DNAI4: variants seen among roughly 807,000 people sequenced by gnomAD.
The protein encoded by DNAI4 is WD repeat domain 78.
In DNAI4, 85 loss-of-function variants were observed where a neutral mutation model predicts 105.8. The observed-to-expected ratio is 0.80, with a 90% CI of 0.67 to 0.96. The LOEUF (loss-of-function observed/expected upper bound fraction) is 0.96. DNAI4 is among the 40% of genes least tolerant of loss of function. DNAI4 has a pLI of 0.00. For synonymous variants in DNAI4, 352 were observed against 331.5 expected, an observed-to-expected ratio of 1.06 and a Z score of -0.67; for missense variants, 1,014 against 1,005.6, an observed-to-expected ratio of 1.01 and a Z score of -0.11.
chr1:66,832,424 A>G (rs376716357), intron 13 of DNAI4, among the ~76,000 whole-genome samples: 1 of 152,170 alleles, frequency 6.6e-6, no homozygotes, highest in African/African-American at 2.4e-5. Context: ...CATGGAACAC[A>G]TGTTCTGAAA....
chr1:66,854,432 A>G (rs1363374987), intron 7 of DNAI4, among the ~76,000 whole-genome samples: 1 of 152,178 alleles, frequency 6.6e-6, no homozygotes, highest in Non-Finnish European at 1.5e-5. Flanking sequence ...TGCTTAAAAA[A>G]AAACTTAGGT....
At chr1:66,882,209 G>A (rs1177409272) in intron 4 of DNAI4, among the ~76,000 whole-genome samples, 1 of 152,050 alleles carries the variant, frequency 6.6e-6, no homozygotes, top group Admixed American at 6.6e-5. Flanking sequence ...TATGTACTTT[G>A]GATAAAAGTC....
At chr1:66,870,399 G>T (rs184324125) in intron 6 of DNAI4, among the ~76,000 whole-genome samples, 2 of 146,574 alleles carry the variant, frequency 1.4e-5, no homozygotes, top group African/African-American at 2.6e-5. Context: ...CCAAGATTGC[G>T]CCATCGCACT....
At chr1:66,870,196 C>A (rs202008410) in intron 6 of DNAI4, among the ~76,000 whole-genome samples, 1 of 152,172 alleles carries the variant, frequency 6.6e-6, no homozygotes, top group East Asian at 1.9e-4. Flanking sequence ...GGAATCCCAG[C>A]ACTCTGGGAG....
At chr1:66,900,187 T>C (rs970955367) in intron 2 of DNAI4, among the ~76,000 whole-genome samples, 8 of 152,128 alleles carry the variant, frequency 5.3e-5, no homozygotes, top group Non-Finnish European at 5.9e-5. Context: ...CTGCTGCCTC[T>C]GCCTTCCAAG....
chr1:66,830,923 G>A (rs1039551792), intron 13 of DNAI4, among the ~76,000 whole-genome samples: 44 of 140,062 alleles, frequency 3.1e-4, no homozygotes, highest in African/African-American at 1.1e-3. Flanking sequence ...GTTACAGTGA[G>A]CTATAATCAT....
chr1:66,919,771 T>C (rs1190136146), intron 1 of DNAI4, among the ~76,000 whole-genome samples: 1 of 151,110 alleles, frequency 6.6e-6, no homozygotes, highest in Non-Finnish European at 1.5e-5. Flanking sequence ...CTGACTGACA[T>C]GTGGGAATGG....
chr1:66,858,376 C>CA (rs1277257937), intron 7 of DNAI4, among the ~76,000 whole-genome samples: 1 of 150,418 alleles, frequency 6.6e-6, no homozygotes, highest in Non-Finnish European at 1.5e-5. Flanking sequence ...AAAAAAAATA[C>CA]AAAAAAATTA....
intron 4 of DNAI4, 45 bp downstream of exon 4, chr1:66,891,109 T>C: frequency 7.3e-7 from 1 of 1,367,904 alleles, no homozygotes; most frequent in African/African-American, 1.4e-5. Flanking sequence ...GCATATTGAC[T>C]AAATAACGGA....
chr1:66,871,629 A>C (rs1646848938), intron 5 of DNAI4, 120 bp from the exon 6 acceptor site: 3 of 1,006,118 alleles, frequency 3.0e-6, no homozygotes, highest in South Asian at 2.2e-5. Context: ...CAAAAAGTGA[A>C]GTGAGACTTC....
At chr1:66,877,005 T>C (rs147739649) in intron 4 of DNAI4, among the ~76,000 whole-genome samples, 1 of 152,166 alleles carries the variant, frequency 6.6e-6, no homozygotes, top group Non-Finnish European at 1.5e-5. Flanking sequence ...GGGACTTTTA[T>C]CCATAATGTG....
At chr1:66,893,069 GAAAGAA>G (rs1647929628) in intron 3 of DNAI4, among the ~76,000 whole-genome samples, 154 bp downstream of exon 3, 1 of 119,128 alleles carries the variant, frequency 8.4e-6, no homozygotes, top group South Asian at 2.5e-4. Context: ...GAGAGAGAAA[GAAAGAA>G]AGAAAGAAAG....
chr1:66,897,427 C>T (rs1224992167), intron 2 of DNAI4, among the ~76,000 whole-genome samples: 2 of 152,148 alleles, frequency 1.3e-5, no homozygotes, highest in Admixed American at 1.3e-4. Flanking sequence ...AAAGAATGAA[C>T]CAAGGGTGTG....
intron 2 of DNAI4, among the ~76,000 whole-genome samples, chr1:66,903,648 G>A (rs534471889): frequency 2.0e-5 from 3 of 152,102 alleles, no homozygotes; most frequent in Non-Finnish European, 2.9e-5. Context: ...CACCTGCCAC[G>A]ACGGCTGGCT....
At chr1:66,852,606 G>GA (rs1477998515) in intron 7 of DNAI4, among the ~76,000 whole-genome samples, 3 of 150,922 alleles carry the variant, frequency 2.0e-5, no homozygotes, top group African/African-American at 4.9e-5. Context: ...TTAGGCCAAT[G>GA]AAAAAAAATC....
chr1:66,880,424 C>T (rs749608895), intron 4 of DNAI4, among the ~76,000 whole-genome samples: 5 of 152,136 alleles, frequency 3.3e-5, no homozygotes, highest in Non-Finnish European at 7.4e-5. Context: ...GAGAGCGATA[C>T]GGACAATACA....
At chr1:66,924,549 T>C (rs1650986257) in intron 1 of DNAI4, 113 bp downstream of exon 1, 1 of 1,430,554 alleles carries the variant, frequency 7.0e-7, no homozygotes, top group South Asian at 1.2e-5. Flanking sequence ...GTCTACAGAC[T>C]GAACCCAGTT....
rs545103656 is a variant in DNAI4, at chr1:66,900,602, A to G, written c.345+4599T>C. Among the ~76,000 whole-genome samples the G allele has an allele frequency of 3.3e-5, 5 of 152,300 alleles. No individual in the cohort carries two copies. The South Asian group carries it at 1.0e-3, about 32-fold the overall frequency. On this transcript the variant is annotated intron_variant, in intron 2 of 16. Transcript: ENST00000371026. ...TTCAATAATGTTTTATAGTTTTCAG[A>G]GCATACATTTTGCACTTCTTTTATT...
intron 1 of DNAI4, among the ~76,000 whole-genome samples, chr1:66,911,303 G>A (rs1352402486): frequency 6.6e-6 from 1 of 152,142 alleles, no homozygotes; most frequent in Non-Finnish European, 1.5e-5. Context: ...TGCTCTCTCT[G>A]GGCACACCAC....
Sources: gnomAD v4.1 joint callset for allele counts (sites outside exome capture counted in the v4.1 genomes callset) on GRCh38, gnomAD v4.1.1 for gene constraint, MANE v1.5 for transcripts, NCBI Gene and HGNC (gene_info 2026-07-23, HGNC 2026-07-21) for gene names.